SNX9: variants seen among roughly 807,000 people sequenced by gnomAD.
SNX9 encodes the protein sorting nexin 9.
SNX9 carries 44 observed loss-of-function variants against 89.4 expected under a neutral mutation model. The observed-to-expected ratio is 0.49, with a 90% CI of 0.39 to 0.63. The LOEUF is 0.63. Among genes scored for constraint, SNX9 ranks in the 30% least tolerant of loss-of-function variants. The pLI is 0.00. For synonymous variants in SNX9, 236 were observed against 247.8 expected (o/e 0.95, Z 0.45); for missense variants, 578 against 736.1 (o/e 0.79, Z 2.49).
intron 7 of SNX9, among the ~76,000 whole-genome samples, chr6:157,906,901 T>C (rs1179256912): frequency 6.6e-6 from 1 of 152,200 alleles, no homozygotes; most frequent in Non-Finnish European, 1.5e-5. Context: ...AACAATTAGA[T>C]TGGGAACCTG....
chr6:157,935,082 T>G (rs1427654684), intron 13 of SNX9, among the ~76,000 whole-genome samples: 1 of 152,186 alleles, frequency 6.6e-6, no homozygotes, highest in Non-Finnish European at 1.5e-5. Context: ...CTCAGTTACT[T>G]TTGGAGAATG....
rs1783585212 is a variant in SNX9, at chr6:157,921,606, C to T, written c.1025C>T (p.Pro342Leu). The change falls in exon 10 of 18, where the codon CCA becomes CTA. Residue 342 changes from proline to leucine, a missense_variant. Physicochemically the swap from Pro to Leu is moderately conservative, Grantham distance 98 (BLOSUM62 -3). Around this residue, in one of 2 missense-constraint regions of SNX9, gnomAD observed 348 missense variants for 491.4 expected, o/e 0.71. Transcript: ENST00000392185. ...QAWMTRMCRHPVISESEVFQQ... is the reference protein window; with the variant it reads ...QAWMTRMCRHLVISESEVFQQ... Reference sequence around the variant, plus strand: ...TGGATGACCAGGATGTGTCGCCATCCAGTAATCTCAGAAAGTGAAGTTTTC... The same window carrying T: ...TGGATGACCAGGATGTGTCGCCATCTAGTAATCTCAGAAAGTGAAGTTTTC... 1 of 1,613,806 alleles carries T rather than the reference C, an allele frequency of 6.2e-7. No homozygotes were observed. Among genetic ancestry groups the T allele is most frequent in the Non-Finnish European group, 8.5e-7 (1 of 1,179,968 alleles).
In SNX9 at chr6:157,874,883, T is replaced by C. The variant is rs951317548; in HGVS notation, c.175-168T>C. On this transcript the variant is annotated intron_variant, in intron 3 of 17. Coordinates refer to ENST00000392185, the MANE Select transcript of SNX9 (RefSeq NM_016224.5). ...AAAAATAGTTTGAACTAAATAAAAA[T>C]GAAAATACAACCCATTAAAATATGA... is the stretch of plus-strand genomic sequence containing the variant. The C allele has an allele frequency of 8.5e-6, 5 of 587,044 alleles. No individual in the cohort carries two copies. The Admixed American group carries it at 1.2e-4, about 14-fold the overall frequency. The allele number at this position is 587,044 out of a possible 1,614,324, so 36.4% of individuals were successfully genotyped here.
chr6:157,881,456 A>C (rs1782621934), intron 4 of SNX9, among the ~76,000 whole-genome samples: 1 of 152,148 alleles, frequency 6.6e-6, no homozygotes, highest in African/African-American at 2.4e-5. Context: ...CAGTGAAAGG[A>C]AGAGTCGCAT....
At chr6:157,870,063 C>G (rs112141708) in intron 2 of SNX9, among the ~76,000 whole-genome samples, 16 of 151,754 alleles carry the variant, frequency 1.1e-4, no homozygotes, top group African/African-American at 3.9e-4. Context: ...TGAGCACGCA[C>G]ACACACCCTC....
intron 4 of SNX9, among the ~76,000 whole-genome samples, chr6:157,888,763 C>T (rs1782790870): frequency 6.6e-6 from 1 of 152,096 alleles, no homozygotes; most frequent in Admixed American, 6.5e-5. Flanking sequence ...AAGTATCTTA[C>T]AGGAGCTCTT....
Position 157,823,331 on chromosome 6 carries a change from C to T in SNX9, c.-104C>T. On this transcript the variant is annotated 5_prime_UTR_variant, in exon 1 of 18. Coordinates refer to ENST00000392185, the MANE Select transcript of SNX9 (RefSeq NM_016224.5). The surrounding 1 kb of genome is among the most constrained non-coding windows in gnomAD (Gnocchi z 4.6). ...GAGCGGCCGCCGCGCCGGGGCCCAG[C>T]CGGAGCCGCCGCCCTCGCCCTTGCC... 9.5e-7 allele frequency: 1 copy of T among 1,057,998 alleles called. No homozygotes were observed. Among genetic ancestry groups the T allele is most frequent in the Non-Finnish European group, 1.2e-6 (1 of 846,454 alleles). 65.5% of individuals were successfully genotyped at this position (1,057,998 alleles called of 1,614,324 possible). A position where few individuals can be genotyped will look rare whatever the true frequency, so the allele number is the denominator to read the frequency against.
intron 10 of SNX9, among the ~76,000 whole-genome samples, chr6:157,926,345 T>A (rs986212827): frequency 1.3e-5 from 2 of 152,188 alleles, no homozygotes; most frequent in African/African-American, 4.8e-5. Context: ...GCACTGGATA[T>A]TTTTGATTTG....
At chr6:157,893,952 A>G (rs1022524630) in intron 4 of SNX9, among the ~76,000 whole-genome samples, 1 of 152,122 alleles carries the variant, frequency 6.6e-6, no homozygotes, top group African/African-American at 2.4e-5. Context: ...AAGAGAGTCC[A>G]GCTATAGACC....
At position 157,891,139 on chromosome 6, in the gene SNX9, C is replaced by T. The variant is rs574372105; in HGVS notation, c.301-5688C>T. On this transcript the variant is annotated intron_variant, in intron 4 of 17. Transcript: ENST00000392185. ...CTCCGCCTTCCAGGTTCAAGCGATT[C>T]TCCTGCTTCAGCCTCCCAAGTAGCT... Among the ~76,000 whole-genome samples the T allele has an allele frequency of 3.7e-4, 53 of 144,268 alleles. 1 individual carries two copies. The East Asian group carries it at 6.6e-3, about 18-fold the overall frequency. 94.6% of individuals were successfully genotyped at this position (144,268 alleles called of 152,430 possible). A position where few individuals can be genotyped will look rare whatever the true frequency, so the allele number is the denominator to read the frequency against.
At chr6:157,860,864 T>G (rs1174168839) in intron 1 of SNX9, among the ~76,000 whole-genome samples, 1 of 152,230 alleles carries the variant, frequency 6.6e-6, no homozygotes, top group African/African-American at 2.4e-5. Flanking sequence ...CGCCTTTTGT[T>G]ACACTCAGAT....
chr6:157,901,177 G>A (rs528139207), intron 5 of SNX9, among the ~76,000 whole-genome samples: 3 of 152,230 alleles, frequency 2.0e-5, no homozygotes, highest in African/African-American at 7.2e-5. Context: ...AGTCCCACCT[G>A]GCACTGTCTT....
At chr6:157,889,918 A>C (rs1186965877) in intron 4 of SNX9, among the ~76,000 whole-genome samples, 1 of 152,180 alleles carries the variant, frequency 6.6e-6, no homozygotes, top group Non-Finnish European at 1.5e-5. Context: ...CTTTGTATGC[A>C]TTATGTCATT....
At chr6:157,930,201 T>C (rs1008712067) in intron 12 of SNX9, among the ~76,000 whole-genome samples, 1 of 152,228 alleles carries the variant, frequency 6.6e-6, no homozygotes, top group Non-Finnish European at 1.5e-5. Context: ...ACCATCCACA[T>C]ATTATCTTAT....
intron 17 of SNX9, among the ~76,000 whole-genome samples, chr6:157,942,321 G>A (rs544234445): frequency 5.9e-4 from 90 of 152,326 alleles, no homozygotes; most frequent in Non-Finnish European, 9.6e-4. Context: ...AGGCCCTGGC[G>A]CAGAGACCAC....
intron 16 of SNX9, among the ~76,000 whole-genome samples, chr6:157,938,956 C>A (rs531864322): frequency 2.1e-4 from 32 of 152,260 alleles, no homozygotes; most frequent in Non-Finnish European, 1.0e-4. Context: ...TAGATGACAG[C>A]TTGATTAAAA....
intron 1 of SNX9, among the ~76,000 whole-genome samples, chr6:157,858,927 C>T (rs1404663457): frequency 2.0e-5 from 3 of 152,208 alleles, no homozygotes; most frequent in Non-Finnish European, 4.4e-5. Flanking sequence ...TTGACACATG[C>T]AGATTATTAC....
At chr6:157,840,130 A>G (rs1175032125) in intron 1 of SNX9, among the ~76,000 whole-genome samples, 2 of 130,522 alleles carry the variant, frequency 1.5e-5, no homozygotes, top group African/African-American at 6.4e-5. Flanking sequence ...ATCTCGGGAA[A>G]GAGCAGACCC....
intron 1 of SNX9, among the ~76,000 whole-genome samples, chr6:157,838,573 A>G (rs1206424209): frequency 6.6e-6 from 1 of 152,180 alleles, no homozygotes; most frequent in East Asian, 1.9e-4. Context: ...AAGAGTAAAA[A>G]TAAATGTATA....
Sources: gnomAD v4.1 joint callset for allele counts (sites outside exome capture counted in the v4.1 genomes callset) on GRCh38, gnomAD v4.1.1 for gene constraint, gnomAD v4.1.1 regional missense constraint, Gnocchi (gnomAD v3.1) non-coding constraint, MANE v1.5 for transcripts, NCBI Gene and HGNC (gene_info 2026-07-23, HGNC 2026-07-21) for gene names.